PRKCB: variants seen among roughly 807,000 people sequenced by gnomAD.
PRKCB encodes the protein protein kinase C beta type.
In PRKCB, 13 loss-of-function variants were observed where a neutral mutation model predicts 81.5. That is an observed-to-expected ratio of 0.16 (90% CI 0.10 to 0.25). The LOEUF is 0.25. PRKCB is among the 10% of genes least tolerant of loss of function. The pLI is 1.00. For synonymous variants in PRKCB, 335 were observed against 321.4 expected, an observed-to-expected ratio of 1.04 and a Z score of -0.45; for missense variants, 509 against 875.7, an observed-to-expected ratio of 0.58 and a Z score of 5.29.
chr16:23,978,077 T>C (rs1964648243), intron 2 of PRKCB, among the ~76,000 whole-genome samples: 2 of 152,124 alleles, frequency 1.3e-5, no homozygotes, highest in African/African-American at 4.8e-5. Context: ...AACACAGAAA[T>C]TCATACAACC....
At chr16:23,847,318 CTCTA>C (rs746347042) in intron 2 of PRKCB, among the ~76,000 whole-genome samples, 2,396 of 144,206 alleles carry the variant, frequency 0.017, 85 homozygotes, top group Non-Finnish European at 0.02. Context: ...ATGATCCTGC[CTCTA>C]TCTATCTATC....
intron 5 of PRKCB, among the ~76,000 whole-genome samples, chr16:24,088,989 G>A (rs1200283704): frequency 3.9e-5 from 6 of 152,220 alleles, no homozygotes; most frequent in South Asian, 4.1e-4. Flanking sequence ...AGCTTCTGGC[G>A]CATCTGAGTG....
At chr16:24,189,481 A>G (rs1031977937) in intron 15 of PRKCB, among the ~76,000 whole-genome samples, 10 of 152,076 alleles carry the variant, frequency 6.6e-5, no homozygotes, top group African/African-American at 2.2e-4. Context: ...TACTAAAAAT[A>G]CAAGAAAATT....
intron 16 of PRKCB, among the ~76,000 whole-genome samples, chr16:24,201,507 C>T (rs1395604204): frequency 6.6e-6 from 1 of 152,104 alleles, no homozygotes; most frequent in East Asian, 1.9e-4. Context: ...TTATAAAATC[C>T]CAGCAGCCTA....
intron 3 of PRKCB, among the ~76,000 whole-genome samples, chr16:24,009,549 C>T (rs1344103653): frequency 1.3e-5 from 2 of 151,408 alleles, no homozygotes; most frequent in African/African-American, 2.4e-5. Context: ...CTCAGCCTCC[C>T]AGAGTGCTGG....
intron 5 of PRKCB, among the ~76,000 whole-genome samples, chr16:24,089,363 G>A (rs1487717286): frequency 6.6e-6 from 1 of 152,186 alleles, no homozygotes; most frequent in Non-Finnish European, 1.5e-5. Context: ...GGTTTAAGAA[G>A]CTCTCCTGTG....
At chr16:24,151,023 A>G (rs1049124367) in intron 9 of PRKCB, among the ~76,000 whole-genome samples, 44 of 152,250 alleles carry the variant, frequency 2.9e-4, no homozygotes, top group African/African-American at 1.1e-3. Context: ...CGGAGCACAT[A>G]GCATTGCTGA....
chr16:24,169,537 G>T (rs753739296), intron 10 of PRKCB, among the ~76,000 whole-genome samples: 1 of 152,058 alleles, frequency 6.6e-6, no homozygotes, highest in African/African-American at 2.4e-5. Flanking sequence ...CAGGGCCTTC[G>T]CACAGCCTGT....
In PRKCB at chr16:24,035,507, C is replaced by T; in HGVS notation, c.489C>T (p.Tyr163=). The T allele has an allele frequency of 6.2e-7, 1 of 1,614,202 alleles. No individual in the cohort carries two copies. Reference sequence around the variant, plus strand: ...ACACGGAGCGCCGCGGCCGCATCTACATCCAGGCCCACATCGACAGGGACG... The same window carrying T: ...ACACGGAGCGCCGCGGCCGCATCTATATCCAGGCCCACATCGACAGGGACG... The part of the protein sequence containing the change: ...TDHTERRGRI[Y]IQAHIDRDVL... The change falls in exon 5 of 17, where the codon TAC becomes TAT. Residue 163 remains tyrosine, a synonymous_variant. Coordinates refer to ENST00000643927, the MANE Select transcript of PRKCB (RefSeq NM_002738.7).
intron 8 of PRKCB, among the ~76,000 whole-genome samples, chr16:24,114,728 T>C (rs1966716383): frequency 6.6e-6 from 1 of 152,164 alleles, no homozygotes; most frequent in African/African-American, 2.4e-5. Context: ...ACACTGAGTC[T>C]GGTGGGAGAT....
intron 2 of PRKCB, among the ~76,000 whole-genome samples, chr16:23,947,342 A>C (rs751483111): frequency 2.6e-5 from 4 of 152,358 alleles, no homozygotes; most frequent in African/African-American, 4.8e-5. Flanking sequence ...CATCTTGCTC[A>C]GTGCAATATT....
intron 2 of PRKCB, among the ~76,000 whole-genome samples, chr16:23,978,065 T>G (rs2141810175): frequency 6.6e-6 from 1 of 152,288 alleles, no homozygotes; most frequent in South Asian, 2.1e-4. Context: ...TGGGGATATT[T>G]TAACACAGAA....
chr16:24,127,919 T>G (rs1039692647), intron 9 of PRKCB, among the ~76,000 whole-genome samples: 1 of 152,198 alleles, frequency 6.6e-6, no homozygotes, highest in African/African-American at 2.4e-5. Flanking sequence ...TTTGAACATT[T>G]TGCAGTCTGG....
intron 2 of PRKCB, among the ~76,000 whole-genome samples, chr16:23,936,563 C>T (rs1964060322): frequency 6.7e-6 from 1 of 149,062 alleles, no homozygotes; most frequent in South Asian, 2.1e-4. Context: ...CAGGTGTGCA[C>T]CACCACACCC....
intron 9 of PRKCB, among the ~76,000 whole-genome samples, chr16:24,135,237 A>G (rs949794644): frequency 2.0e-5 from 3 of 150,612 alleles, no homozygotes; most frequent in Non-Finnish European, 4.4e-5. Flanking sequence ...CCCAAAGGCC[A>G]GGGTGCTTAA....
chr16:24,058,215 C>G (rs1965928891), intron 5 of PRKCB, among the ~76,000 whole-genome samples: 1 of 152,142 alleles, frequency 6.6e-6, no homozygotes, highest in South Asian at 2.1e-4. Flanking sequence ...GCCTCTGAGT[C>G]TTATCTGAAG....
At chr16:24,138,301 C>A (rs1966871992) in intron 9 of PRKCB, among the ~76,000 whole-genome samples, 2 of 152,218 alleles carry the variant, frequency 1.3e-5, no homozygotes. Context: ...GCAGTGCTTA[C>A]AAGGCAGATC....
intron 3 of PRKCB, among the ~76,000 whole-genome samples, chr16:24,002,186 A>C (rs1320027168): frequency 6.6e-6 from 1 of 152,102 alleles, no homozygotes; most frequent in Non-Finnish European, 1.5e-5. Flanking sequence ...GAGGGCTGGC[A>C]GGCTGTCGAT....
intron 2 of PRKCB, among the ~76,000 whole-genome samples, chr16:23,917,441 A>G (rs1459989522): frequency 6.6e-6 from 1 of 152,160 alleles, no homozygotes; most frequent in African/African-American, 2.4e-5. Context: ...TGTTTCCAAA[A>G]TTGGGATATA....
Sources: allele counts gnomAD v4.1 joint callset (sites outside exome capture counted in the v4.1 genomes callset), GRCh38; gene constraint gnomAD v4.1.1; transcripts MANE v1.5; gene names NCBI Gene and HGNC (gene_info 2026-07-23, HGNC 2026-07-21).